Variants in DENND4A observed in about 807,000 individuals in gnomAD.
The protein encoded by DENND4A is DENN domain containing 4A, also known as C-myc promoter-binding protein.
A neutral mutation model predicts 199.3 loss-of-function variants in DENND4A; 70 were observed. The ratio of observed to expected loss-of-function variants is 0.35; its 90% CI spans 0.29 to 0.43. The LOEUF (loss-of-function observed/expected upper bound fraction) is 0.43, where lower values mean the gene tolerates loss of function less well. Ranked by LOEUF, DENND4A falls within the 20% of genes least tolerant of loss-of-function variation. The pLI is 1.00. For synonymous variants in DENND4A, 686 were observed against 766.9 expected (o/e 0.89, Z 1.74); for missense variants, 1,723 against 2,255.8 (o/e 0.76, Z 4.78).
chr15:65,752,077 G>A (rs1389526294), intron 4 of DENND4A, among the ~76,000 whole-genome samples: 1 of 135,692 alleles, frequency 7.4e-6, no homozygotes, highest in Non-Finnish European at 1.5e-5. Context: ...TCCCGTTGAG[G>A]TGTGGGATCT....
At chr15:65,667,021 C>T (rs761767763) in intron 29 of DENND4A, among the ~76,000 whole-genome samples, 2 of 151,828 alleles carry the variant, frequency 1.3e-5, no homozygotes, top group African/African-American at 2.4e-5. Context: ...ATCTAATGAC[C>T]CAGAGGGCTA....
At chr15:65,694,307 G>C (rs1257391349) in intron 22 of DENND4A, among the ~76,000 whole-genome samples, 1 of 152,254 alleles carries the variant, frequency 6.6e-6, no homozygotes, top group Admixed American at 6.5e-5. Flanking sequence ...AAATTAGCCA[G>C]GCGTGGTGGC....
At chr15:65,780,665 C>T (rs1404181552) in intron 1 of DENND4A, among the ~76,000 whole-genome samples, 5 of 152,102 alleles carry the variant, frequency 3.3e-5, no homozygotes, top group African/African-American at 4.8e-5. Context: ...TTAAGGGCAA[C>T]GATAGTTATA....
chr15:65,687,323 A>G (rs1231343474), intron 23 of DENND4A, among the ~76,000 whole-genome samples: 1 of 152,178 alleles, frequency 6.6e-6, no homozygotes, highest in Non-Finnish European at 1.5e-5. Flanking sequence ...ACTACTGTCA[A>G]ACATCTATGC....
chr15:65,686,855 C>A (rs560464032), intron 23 of DENND4A, among the ~76,000 whole-genome samples: 12 of 151,148 alleles, frequency 7.9e-5, no homozygotes, highest in Admixed American at 7.2e-4. Context: ...CCATGGCCAG[C>A]TAGTTAAAAT....
chr15:65,738,315 C>T (rs878990288), intron 6 of DENND4A, among the ~76,000 whole-genome samples: 4 of 151,972 alleles, frequency 2.6e-5, no homozygotes, highest in African/African-American at 7.3e-5. Context: ...TTGAATTTCT[C>T]GGGACATCAA....
At chr15:65,680,201 T>A (rs1188836733) in intron 23 of DENND4A, among the ~76,000 whole-genome samples, 1 of 152,246 alleles carries the variant, frequency 6.6e-6, no homozygotes, top group Admixed American at 6.5e-5. Flanking sequence ...CAAGAACAGT[T>A]CTCATCTTGG....
chr15:65,677,199 T>A lies in DENND4A; in HGVS notation c.4180-565A>T, dbSNP rs1265826460. On this transcript the variant is annotated intron_variant, in intron 23 of 32. Coordinates refer to ENST00000443035, the MANE Select transcript of DENND4A (RefSeq NM_001320835.1). ...ATGTTATGTGTGTGCATATTGTTAT[T>A]TTTAATCATATAGGGCAAAAATTTT... is the stretch of plus-strand genomic sequence containing the variant. 2.0e-5 allele frequency among the ~76,000 whole-genome samples: 3 copies of A among 152,310 alleles called. No homozygotes were observed. The East Asian group carries it at 5.8e-4, about 29-fold the overall frequency.
intron 11 of DENND4A, among the ~76,000 whole-genome samples, chr15:65,724,584 A>G (rs2075748999): frequency 6.6e-6 from 1 of 152,168 alleles, no homozygotes; most frequent in Admixed American, 6.5e-5. Flanking sequence ...TCACTTTGAA[A>G]AGTAAACAAA....
chr15:65,684,632 G>GT (rs1446834793), intron 23 of DENND4A, among the ~76,000 whole-genome samples: 1 of 152,008 alleles, frequency 6.6e-6, no homozygotes, highest in African/African-American at 2.4e-5. Context: ...CAGAATTTGC[G>GT]TATCTTTTCC....
intron 11 of DENND4A, chr15:65,726,253 T>C (rs1311566637): frequency 2.0e-5 from 3 of 152,182 alleles, no homozygotes; most frequent in Non-Finnish European, 4.4e-5. Flanking sequence ...TCAAGACACC[T>C]AGCTGAGAAA....
intron 1 of DENND4A, among the ~76,000 whole-genome samples, chr15:65,769,039 T>C: frequency 6.6e-6 from 1 of 151,980 alleles, no homozygotes; most frequent in Admixed American, 6.6e-5. Flanking sequence ...CAATTTTATG[T>C]ATCCATTCTA....
At chr15:65,677,188 C>A (rs2076409036) in intron 23 of DENND4A, among the ~76,000 whole-genome samples, 1 of 152,060 alleles carries the variant, frequency 6.6e-6, no homozygotes, top group African/African-American at 2.4e-5. Flanking sequence ...TATGTGTGTG[C>A]ATATTGTTAT....
At position 65,715,602 on chromosome 15, in the gene DENND4A, C is replaced by A; in HGVS notation, c.1829G>T (p.Arg610Leu). ...ALQAFLRSRD[R>L]SHQKFYNMMT... ...CATGTTATAGAATTTTTGATGTGAC[C>A]GGTCCCGGCTTCTTAAGAAAGCTGT... The change falls in exon 14 of 33, where the codon CGG (arginine) becomes CTG (leucine). Residue 610 changes from arginine (R) to leucine (L), a missense_variant. By Grantham distance (102) the Arg-to-Leu change is moderately radical. This residue lies in a region of DENND4A where 725 missense variants were observed against 952.9 expected (regional missense o/e 0.76). Coordinates refer to ENST00000443035, the MANE Select transcript of DENND4A (RefSeq NM_001320835.1). 1.9e-6 allele frequency: 3 copies of A among 1,571,706 alleles called. No homozygotes were observed. The highest frequency in any genetic ancestry group is 2.6e-6 in the Non-Finnish European group (3 of 1,159,258).
At chr15:65,665,269 C>G in intron 30 of DENND4A, 76 bp downstream of exon 30, 1 of 1,109,360 alleles carries the variant, frequency 9.0e-7, no homozygotes. Flanking sequence ...GTCAGTTATA[C>G]ATTGGTTTAT....
Position 65,700,599 on chromosome 15 carries a change from T to C in DENND4A, c.2778A>G (p.Ala926=). 2.6e-6 allele frequency: 4 copies of C among 1,546,804 alleles called. No individual in the cohort carries two copies. The highest frequency in any genetic ancestry group is 1.4e-5 in the African/African-American group (1 of 72,894). ...SGHGTHTVEQ[A]PFNTGLIKVY... ...CTTTGATTAAACCCGTATTAAAAGG[T>C]GCCTGCTCCACAGTGTGTGTCCCAT... The change falls in exon 20 of 33, where the codon GCA becomes GCG. Residue 926 remains alanine, a synonymous_variant. Transcript: ENST00000443035.
At chr15:65,708,916 T>C (rs987459389) in intron 14 of DENND4A, among the ~76,000 whole-genome samples, 16 of 152,236 alleles carry the variant, frequency 1.1e-4, no homozygotes, top group African/African-American at 2.7e-4. Context: ...TTCTCATATA[T>C]TGTTTTTCTT....
intron 14 of DENND4A, among the ~76,000 whole-genome samples, chr15:65,707,674 C>T (rs1484116595): frequency 6.6e-6 from 1 of 151,380 alleles, no homozygotes; most frequent in Non-Finnish European, 1.5e-5. Flanking sequence ...ACTACTAAAT[C>T]GTATACATAT....
chr15:65,736,256 T>C (rs2076112987), intron 7 of DENND4A, among the ~76,000 whole-genome samples: 1 of 151,960 alleles, frequency 6.6e-6, no homozygotes, highest in Non-Finnish European at 1.5e-5. Flanking sequence ...ACAATAGATT[T>C]TTTTATTTTT....
Sources: gnomAD v4.1 joint callset for allele counts (sites outside exome capture counted in the v4.1 genomes callset) on GRCh38, gnomAD v4.1.1 for gene constraint, gnomAD v4.1.1 regional missense constraint, MANE v1.5 for transcripts, NCBI Gene and HGNC (gene_info 2026-07-23, HGNC 2026-07-21) for gene names.